SFMBT2: variants seen among roughly 807,000 people sequenced by gnomAD.
SFMBT2 encodes scm-like with four MBT domains protein 2.
Under a neutral mutation model 110.1 loss-of-function variants are expected in SFMBT2, and 38 were observed. That is an observed-to-expected ratio of 0.35 (90% CI 0.27 to 0.45). The LOEUF (loss-of-function observed/expected upper bound fraction) is 0.45. Among genes scored for constraint, SFMBT2 ranks in the 20% least tolerant of loss-of-function variants. The probability of loss-of-function intolerance (pLI) is 1.00; values close to 1 mark genes in which losing one functional copy is unlikely to be tolerated. For synonymous variants in SFMBT2, 425 were observed against 425.4 expected, an observed-to-expected ratio of 1.00 and a Z score of 0.01; for missense variants, 1,011 against 1,094.9, an observed-to-expected ratio of 0.92 and a Z score of 1.08.
chr10:7,213,567 C>T (rs1204626314), intron 11 of SFMBT2, among the ~76,000 whole-genome samples: 1 of 152,202 alleles, frequency 6.6e-6, no homozygotes, highest in Non-Finnish European at 1.5e-5. Flanking sequence ...TCAGCCAGGA[C>T]GTTCACGGAG....
chr10:7,224,193 G>C (rs1440819638), intron 10 of SFMBT2, among the ~76,000 whole-genome samples: 2 of 152,158 alleles, frequency 1.3e-5, no homozygotes, highest in African/African-American at 4.8e-5. Flanking sequence ...CCTACCAAAA[G>C]TGTCAACTTT....
intron 4 of SFMBT2, among the ~76,000 whole-genome samples, chr10:7,323,224 C>T (rs994226009): frequency 5.3e-5 from 8 of 152,008 alleles, no homozygotes; most frequent in African/African-American, 1.5e-4. Context: ...GAGGCTGAGG[C>T]GGGTTGGTCA....
At chr10:7,176,930 T>A (rs927012021) in intron 16 of SFMBT2, among the ~76,000 whole-genome samples, 1 of 151,830 alleles carries the variant, frequency 6.6e-6, no homozygotes, top group African/African-American at 2.4e-5. Context: ...GGCTGCTGTA[T>A]CTCTCAAGTG....
chr10:7,168,640 C>T (rs1207558528), intron 20 of SFMBT2, among the ~76,000 whole-genome samples: 6 of 152,268 alleles, frequency 3.9e-5, no homozygotes, highest in Non-Finnish European at 8.8e-5. Context: ...CGCAGCACCA[C>T]TGTCAATAAA....
In SFMBT2 at chr10:7,212,033, G is replaced by T. The variant is rs140142313; in HGVS notation, c.1331-6105C>A. The stretch of plus-strand genomic sequence containing the variant: ...TGGAGTGCTTTACAAACTCTAGGCT[G>T]CATGAGAAACATCAGGGGAGGGAGA... On this transcript the variant is annotated intron_variant, in intron 11 of 20. Transcript: ENST00000397167. 2.1e-3 allele frequency among the ~76,000 whole-genome samples: 324 copies of T among 152,288 alleles called. 1 individual carries two copies. Among genetic ancestry groups the T allele is most frequent in the Middle Eastern group, 0.014 (4 of 294 alleles).
intron 8 of SFMBT2, chr10:7,246,305 T>C (rs985288963): frequency 1.5e-5 from 4 of 274,188 alleles, no homozygotes; most frequent in Non-Finnish European, 2.2e-5. Flanking sequence ...AAACCAACTA[T>C]CACTGGAAGT....
At chr10:7,205,476 T>C in intron 12 of SFMBT2, 2 of 984,972 alleles carry the variant, frequency 2.0e-6, no homozygotes, top group East Asian at 2.3e-4. Context: ...AAATCAGTTC[T>C]TTTAAAGAAA....
At chr10:7,299,747 T>C (rs930154439) in intron 4 of SFMBT2, among the ~76,000 whole-genome samples, 4 of 152,174 alleles carry the variant, frequency 2.6e-5, no homozygotes, top group African/African-American at 7.2e-5. Flanking sequence ...ATTAAACATA[T>C]GTGTGCATGT....
intron 6 of SFMBT2, among the ~76,000 whole-genome samples, chr10:7,279,081 CA>C (rs531523401): frequency 1.2e-4 from 17 of 139,954 alleles, no homozygotes; most frequent in Admixed American, 2.1e-4. Context: ...ACTTCATCTC[CA>C]AAAAAAAAAA....
intron 4 of SFMBT2, among the ~76,000 whole-genome samples, chr10:7,319,790 G>T (rs1304986786): frequency 6.6e-6 from 1 of 150,474 alleles, no homozygotes; most frequent in Admixed American, 6.6e-5. Flanking sequence ...GAGAGAGGGA[G>T]AGACAGACAG....
At chr10:7,222,325 T>C (rs1232193402) in intron 10 of SFMBT2, among the ~76,000 whole-genome samples, 2 of 152,246 alleles carry the variant, frequency 1.3e-5, no homozygotes, top group African/African-American at 2.4e-5. Context: ...CAACTTTTCA[T>C]GTAAACGTAA....
At chr10:7,362,144 C>T (rs534374114) in intron 4 of SFMBT2, among the ~76,000 whole-genome samples, 11 of 152,176 alleles carry the variant, frequency 7.2e-5, no homozygotes, top group Admixed American at 1.3e-4. Context: ...CACTGGGTGA[C>T]GCTTTAATGT....
intron 16 of SFMBT2, among the ~76,000 whole-genome samples, chr10:7,186,604 C>T (rs1308297826): frequency 6.6e-6 from 1 of 152,214 alleles, no homozygotes; most frequent in East Asian, 1.9e-4. Context: ...GCCACCACGC[C>T]TGGCCTGGAC....
chr10:7,342,083 TAAAA>T (rs34326199), intron 4 of SFMBT2, among the ~76,000 whole-genome samples: 1 of 136,298 alleles, frequency 7.3e-6, no homozygotes, highest in Admixed American at 7.3e-5. Context: ...ACTGCCTCAT[TAAAA>T]AAAAAAAAAA....
chr10:7,280,561 T>C lies in SFMBT2; in HGVS notation c.772+3343A>G, dbSNP rs570911873. 5.6e-4 allele frequency among the ~76,000 whole-genome samples: 86 copies of C among 152,350 alleles called. 1 individual carries two copies. The South Asian group carries it at 0.017, about 30-fold the overall frequency. On this transcript the variant is annotated intron_variant, in intron 6 of 20. Transcript: ENST00000397167. ...GAAATAGGAGAGCAGGTGGGCTTCT[T>C]AAACGACCCTAACCTCAATGACGTA... is the stretch of plus-strand genomic sequence containing the variant.
intron 4 of SFMBT2, among the ~76,000 whole-genome samples, chr10:7,295,729 A>G (rs1210996156): frequency 6.6e-6 from 1 of 152,220 alleles, no homozygotes; most frequent in Non-Finnish European, 1.5e-5. Context: ...AAAGCCAGGT[A>G]TCAGTCCATT....
chr10:7,345,606 C>T (rs1844085931), intron 4 of SFMBT2, among the ~76,000 whole-genome samples: 1 of 152,242 alleles, frequency 6.6e-6, no homozygotes, highest in African/African-American at 2.4e-5. Context: ...ATCTACCCAC[C>T]TTGGCCTCCC....
intron 4 of SFMBT2, among the ~76,000 whole-genome samples, chr10:7,309,197 T>C (rs1257795570): frequency 6.6e-6 from 1 of 152,248 alleles, no homozygotes; most frequent in Non-Finnish European, 1.5e-5. Flanking sequence ...AACAAAGGGC[T>C]AACCTTATTC....
chr10:7,315,070 AAG>A (rs1417706082), intron 4 of SFMBT2, among the ~76,000 whole-genome samples: 7 of 143,136 alleles, frequency 4.9e-5, no homozygotes, highest in Admixed American at 1.4e-4. Context: ...GAAAGAAAGA[AAG>A]AAAGAAAGAA....
Sources: allele counts gnomAD v4.1 joint callset (sites outside exome capture counted in the v4.1 genomes callset), GRCh38; gene constraint gnomAD v4.1.1; transcripts MANE v1.5; gene names NCBI Gene and HGNC (gene_info 2026-07-23, HGNC 2026-07-21).